The following ATP7B variants were observed in gnomAD, a reference collection of about 807,000 sequenced individuals.
ATP7B encodes ATPase copper transporting beta, also known as copper-transporting ATPase 2.
A neutral mutation model predicts 118.9 loss-of-function variants in ATP7B; 113 were observed. The observed-to-expected ratio is 0.95, with a 90% CI of 0.82 to 1.11. ATP7B has a LOEUF of 1.11. ATP7B is among the 50% of genes most tolerant of loss of function. The pLI, the probability that ATP7B is intolerant of heterozygous loss-of-function variation, is 0.00. For missense variants in ATP7B, 1,867 were observed against 1,871.4 expected, an observed-to-expected ratio of 1.00 and a Z score of 0.04; for synonymous variants, 777 against 727.4, an observed-to-expected ratio of 1.07 and a Z score of -1.10.
At chr13:51,977,951 G>A (rs181922810) in intron 1 of ATP7B, among the ~76,000 whole-genome samples, 3 of 152,252 alleles carry the variant, frequency 2.0e-5, no homozygotes, top group African/African-American at 4.8e-5. Context: ...TAGCCACCTC[G>A]GACACCTACC....
rs1218541711 is a variant in ATP7B at position 51,933,960 on chromosome 13, C to T, written c.*796G>A. The T allele has an allele frequency of 2.6e-5, 4 of 152,294 alleles. No homozygotes were observed. Among genetic ancestry groups the T allele is most frequent in the African/African-American group, 9.7e-5 (4 of 41,440 alleles). The allele number at this position is 152,294 out of a possible 1,614,324, so 9.4% of individuals were successfully genotyped here. A position where few individuals can be genotyped will look rare whatever the true frequency, so the allele number is the denominator to read the frequency against. On this transcript the variant is annotated 3_prime_UTR_variant, in exon 21 of 21. Transcript: ENST00000242839. ...CTCTGAGGCCCTCACTCCAGCTGGT[C>T]AGCAACAACACTCTATTGAGAAGCC...
chr13:51,938,635 ACT>A, intron 17 of ATP7B, among the ~76,000 whole-genome samples: 1 of 152,290 alleles, frequency 6.6e-6, no homozygotes, highest in East Asian at 1.9e-4. Context: ...CACAGACCAA[ACT>A]CAGCATCAGG....
intron 12 of ATP7B, among the ~76,000 whole-genome samples, chr13:51,948,363 C>T (rs1050256123): frequency 3.9e-5 from 6 of 152,112 alleles, no homozygotes; most frequent in African/African-American, 1.4e-4. Context: ...TGATCCTCTG[C>T]CTTAGCCTCC....
intron 1 of ATP7B, among the ~76,000 whole-genome samples, chr13:51,997,356 G>A (rs2140459667): frequency 6.6e-6 from 1 of 152,218 alleles, no homozygotes; most frequent in South Asian, 2.1e-4. Flanking sequence ...CTTTTCCTTG[G>A]TGACATGAGA....
In ATP7B at chr13:51,949,716, C is replaced by G; in HGVS notation, c.2811G>C (p.Val937=). Residue 937 remains valine, a synonymous_variant, in exon 12 of 21, where the codon GTG becomes GTC. Transcript: ENST00000242839. ...CGATAAAACCGATTACAATCCATAC[C>G]ACCAACGTCAAAGTTGACATGATGA... is the stretch of plus-strand genomic sequence containing the variant. ...FIIIMSTLTL[V]VWIVIGFIDF... The G allele has an allele frequency of 6.2e-7, 1 of 1,614,084 alleles. No individual in the cohort carries two copies. Among genetic ancestry groups the G allele is most frequent in the Non-Finnish European group, 8.5e-7 (1 of 1,180,018 alleles).
At chr13:52,008,878 C>CT (rs202213390) in intron 1 of ATP7B, among the ~76,000 whole-genome samples, 2 of 116,764 alleles carry the variant, frequency 1.7e-5, no homozygotes, top group Admixed American at 9.0e-5. Context: ...GCTTTCTTTT[C>CT]TTTTCTTTTT....
intron 12 of ATP7B, among the ~76,000 whole-genome samples, chr13:51,947,003 G>A (rs536945926): frequency 1.6e-4 from 24 of 152,300 alleles, no homozygotes; most frequent in Admixed American, 1.2e-3. Flanking sequence ...AAGAAAAGAT[G>A]CAAGGATATT....
chr13:51,955,629 G>A (rs1278476909), intron 9 of ATP7B, among the ~76,000 whole-genome samples: 1 of 152,212 alleles, frequency 6.6e-6, no homozygotes, highest in African/African-American at 2.4e-5. Context: ...AGCAACTGCA[G>A]TCAGTGCCAT....
chr13:51,974,670 C>T lies in ATP7B; in HGVS notation c.550G>A (p.Val184Ile), dbSNP rs199634511. The T allele has an allele frequency of 5.1e-5, 82 of 1,610,884 alleles. No homozygotes were observed. Among genetic ancestry groups the T allele is most frequent in the Admixed American group, 6.7e-5 (4 of 59,860 alleles). The change falls in exon 2 of 21, where the codon GTC becomes ATC. Residue 184 changes from valine (V) to isoleucine (I), a missense_variant. Val to Ile is a conservative substitution (Grantham distance 29). Transcript: ENST00000242839. ...ATGAGATAAGGCTGATAAGTGATGA[C>T]GGCCTCTTGGTTGCTGAGTGAGACT... ...VKVSLSNQEA[V>I]ITYQPYLIQP...
Position 51,933,434 on chromosome 13 carries a change from CTA to C in ATP7B, c.*1320_*1321del, listed in dbSNP as rs1373320014. On this transcript the variant is annotated 3_prime_UTR_variant, in exon 21 of 21. Transcript: ENST00000242839. ...AAGTAATGGACAATGAAAAAAATCA[CTA>C]AAACTATTTTGTGTGGGAGAAAAGG... The C allele has an allele frequency of 6.6e-6, 1 of 152,214 alleles. No individual in the cohort carries two copies. The highest frequency in any genetic ancestry group is 2.4e-5 in the African/African-American group (1 of 41,454). 9.4% of individuals were successfully genotyped at this position (152,214 alleles called of 1,614,324 possible).
At chr13:51,953,851 T>TAAAAAAAAAAAAAAAAAAAAAAAAAAA (rs561139788) in intron 9 of ATP7B, among the ~76,000 whole-genome samples, 3 of 94,364 alleles carry the variant, frequency 3.2e-5, no homozygotes, top group African/African-American at 1.3e-4. Flanking sequence ...CCATCAATTG[T>TAAAAAAAAAAAAAAAAAAAAAAAAAAA]AAAAAAAAAA....
At position 51,950,075 on chromosome 13, in the gene ATP7B, T is replaced by A. The variant is rs1455758826; in HGVS notation, c.2662A>T (p.Thr888Ser). ...AAAGTGGTGTCATTGCCCACGTGGG[T>A]AGCTTTAATGAGCACAGAGCCATGT... The part of the protein sequence containing the change: ...NAHGSVLIKA[T>S]HVGNDTTLAQ... The change falls in exon 11 of 21, where the codon ACC becomes TCC. Residue 888 changes from threonine to serine, a missense_variant. Physicochemically the swap from Thr to Ser is moderately conservative, Grantham distance 58. Transcript: ENST00000242839. The A allele has an allele frequency of 3.7e-6, 6 of 1,614,142 alleles. No homozygotes were observed. Among genetic ancestry groups the A allele is most frequent in the East Asian group, 4.5e-5 (2 of 44,884 alleles).
At chr13:51,936,497 G>A (rs1956972182) in intron 19 of ATP7B, among the ~76,000 whole-genome samples, 1 of 151,774 alleles carries the variant, frequency 6.6e-6, no homozygotes, top group Non-Finnish European at 1.5e-5. Context: ...GGAATGAGGG[G>A]GAATTACAAA....
chr13:51,940,620 G>T (rs1957277027), intron 16 of ATP7B, among the ~76,000 whole-genome samples: 1 of 152,054 alleles, frequency 6.6e-6, no homozygotes, highest in Non-Finnish European at 1.5e-5. Context: ...CTGCACTACA[G>T]CCTGGGTGAC....
chr13:52,000,089 G>C (rs1207603233), intron 1 of ATP7B, among the ~76,000 whole-genome samples: 1 of 152,074 alleles, frequency 6.6e-6, no homozygotes, highest in Non-Finnish European at 1.5e-5. Context: ...TCAGCCCTTG[G>C]ACCTCTTCCA....
chr13:51,937,359 A>C lies in ATP7B; in HGVS notation c.3938T>G (p.Leu1313Arg). The change falls in exon 19 of 21, where the codon CTT becomes CGT. Residue 1313 changes from leucine to arginine, a missense_variant. Leu to Arg is a moderately radical substitution (Grantham distance 102, BLOSUM62 -2). Transcript: ENST00000242839. ...TATCCTTCGGACAGTCCTCTTGGAA[A>C]GGTGAATGCTAGCCACCACATCCAG... Reference protein sequence around the residue: ...DLLDVVASIHLSKRTVRRIRI... With the variant: ...DLLDVVASIHRSKRTVRRIRI... 1.2e-6 allele frequency: 2 copies of C among 1,614,232 alleles called. No individual in the cohort carries two copies. The highest frequency in any genetic ancestry group is 1.7e-6 in the Non-Finnish European group (2 of 1,180,036).
chr13:51,999,790 G>A (rs1333345262), intron 1 of ATP7B, among the ~76,000 whole-genome samples: 2 of 152,082 alleles, frequency 1.3e-5, no homozygotes, highest in South Asian at 2.1e-4. Flanking sequence ...GGGAGGACCC[G>A]TGCTGCCACC....
chr13:51,942,317 G>C, intron 15 of ATP7B, 69 bp downstream of exon 15: 3 of 1,603,940 alleles, frequency 1.9e-6, no homozygotes, highest in Non-Finnish European at 2.5e-6. Context: ...TCACTGCTGG[G>C]CGTGGTGCTC....
chr13:51,950,334 T>C lies in ATP7B; in HGVS notation c.2513A>G (p.Lys838Arg), dbSNP rs774488683. 2 of 1,614,096 alleles carry C rather than the reference T, an allele frequency of 1.2e-6. No homozygotes were observed. The highest frequency in any genetic ancestry group is 1.3e-5 in the African/African-American group (1 of 75,006). ...GDIVKVVPGG[K>R]FPVDGKVLEG... is the part of the protein sequence containing the mutation. The stretch of plus-strand genomic sequence containing the variant: ...CAGGACTTTCCCATCCACTGGAAAC[T>C]TTCCCCCAGGGACCACCTTGACGAT... The change falls in exon 10 of 21, where the codon AAG becomes AGG. Residue 838 changes from lysine (K) to arginine (R), a missense_variant. By Grantham distance (26) the Lys-to-Arg change is conservative. Transcript: ENST00000242839.
Sources: gnomAD v4.1 joint callset for allele counts (sites outside exome capture counted in the v4.1 genomes callset) on GRCh38, gnomAD v4.1.1 for gene constraint, MANE v1.5 for transcripts, NCBI Gene and HGNC (gene_info 2026-07-23, HGNC 2026-07-21) for gene names.